SLC28A3: variants seen among roughly 807,000 people sequenced by gnomAD.
SLC28A3 encodes solute carrier family 28 member 3.
A neutral mutation model predicts 84.2 loss-of-function variants in SLC28A3; 68 were observed. The ratio of observed to expected loss-of-function variants is 0.81; its 90% CI spans 0.66 to 0.99. The LOEUF is 0.99. Among genes scored for constraint, SLC28A3 ranks in the 50% least tolerant of loss-of-function variants. SLC28A3 has a pLI of 0.00. For missense variants in SLC28A3, 712 were observed against 841.5 expected, an observed-to-expected ratio of 0.85 and a Z score of 1.90; for synonymous variants, 267 against 303.6, an observed-to-expected ratio of 0.88 and a Z score of 1.25.
intron 8 of SLC28A3, among the ~76,000 whole-genome samples, chr9:84,294,767 T>C (rs1315467083): frequency 1.3e-5 from 2 of 152,180 alleles, no homozygotes; most frequent in Admixed American, 1.3e-4. Flanking sequence ...CAGCATGTCC[T>C]GAGAATGACC....
At chr9:84,296,765 G>A (rs946777157) in intron 8 of SLC28A3, among the ~76,000 whole-genome samples, 2 of 152,058 alleles carry the variant, frequency 1.3e-5, no homozygotes, top group South Asian at 2.1e-4. Context: ...TAAAACAGAG[G>A]TTGATGTGGT....
chr9:84,300,567 G>A (rs1279498112), intron 5 of SLC28A3, among the ~76,000 whole-genome samples: 1 of 152,190 alleles, frequency 6.6e-6, no homozygotes, highest in East Asian at 1.9e-4. Flanking sequence ...TGCAGTGTTG[G>A]GATTGCACAA....
chr9:84,365,240 G>A, the SLC28A3 span, among the ~76,000 whole-genome samples: 1 of 152,152 alleles, frequency 6.6e-6, no homozygotes, highest in Non-Finnish European at 1.5e-5. Context: ...CTATCTCACT[G>A]TAATCTTGGT....
intron 8 of SLC28A3, among the ~76,000 whole-genome samples, chr9:84,296,908 C>G (rs929958807): frequency 6.6e-6 from 1 of 152,160 alleles, no homozygotes; most frequent in Non-Finnish European, 1.5e-5. Context: ...CCCTGAAGGC[C>G]GAAGGTGCTA....
At chr9:84,332,707 TTAA>T (rs2118591280) in intron 1 of SLC28A3, among the ~76,000 whole-genome samples, 1 of 152,250 alleles carries the variant, frequency 6.6e-6, no homozygotes, top group East Asian at 1.9e-4. Flanking sequence ...CAATTTTATC[TTAA>T]TAAAGAGTTA....
At chr9:84,302,525 A>G in intron 4 of SLC28A3, 136 bp from the exon 5 acceptor site, 1 of 787,056 alleles carries the variant, frequency 1.3e-6, no homozygotes, top group Non-Finnish European at 2.0e-6. Flanking sequence ...TGCTCTTGAT[A>G]TGGCTACTGG....
At chr9:84,320,142 C>T (rs1024692463) in intron 1 of SLC28A3, among the ~76,000 whole-genome samples, 7 of 149,040 alleles carry the variant, frequency 4.7e-5, no homozygotes, top group Middle Eastern at 3.4e-3. Context: ...CTCAACCTCC[C>T]GGGTTCAAGT....
intron 1 of SLC28A3, among the ~76,000 whole-genome samples, chr9:84,316,710 G>A (rs117264477): frequency 0.011 from 1,695 of 152,324 alleles, 18 homozygotes; most frequent in Non-Finnish European, 0.018. Context: ...GAGACACTGT[G>A]TAAAACTCTT....
At chr9:84,305,809 A>G (rs1211818918) in intron 3 of SLC28A3, among the ~76,000 whole-genome samples, 1 of 152,198 alleles carries the variant, frequency 6.6e-6, no homozygotes, top group African/African-American at 2.4e-5. Context: ...TCTGTCCCCC[A>G]TCACCATCCC....
chr9:84,290,207 C>T lies in SLC28A3; in HGVS notation c.1096G>A (p.Ala366Thr), dbSNP rs140138960. The T allele has an allele frequency of 8.1e-5, 131 of 1,614,032 alleles. No homozygotes were observed. Among genetic ancestry groups the T allele is most frequent in the Non-Finnish European group, 1.0e-4 (122 of 1,179,972 alleles). ...TKSELHAIMT[A>T]GFSTIAGSVL... ...CTTCCAGCAATGGTAGAGAACCCGG[C>T]GGTCATGATGGCGTGGAGTTCAGAC... The change falls in exon 11 of 18, where the codon GCC (alanine) becomes ACC (threonine). Residue 366 changes from alanine to threonine, a missense_variant. Transcript: ENST00000376238.
intron 1 of SLC28A3, among the ~76,000 whole-genome samples, chr9:84,330,278 A>C (rs1463265478): frequency 1.3e-5 from 2 of 152,210 alleles, no homozygotes; most frequent in Non-Finnish European, 2.9e-5. Context: ...AAGAGAGAAG[A>C]CAAATAACTA....
At chr9:84,328,156 TACACAC>T (rs71498096) in intron 1 of SLC28A3, among the ~76,000 whole-genome samples, 1,553 of 131,956 alleles carry the variant, frequency 0.012, 65 homozygotes, top group Admixed American at 0.076. Flanking sequence ...GGGAAAAGAC[TACACAC>T]ACACACACAC....
chr9:84,317,358 G>A (rs1826206580), intron 1 of SLC28A3, among the ~76,000 whole-genome samples: 1 of 152,162 alleles, frequency 6.6e-6, no homozygotes, highest in Admixed American at 6.5e-5. Context: ...GAAGCTTGTG[G>A]CCACTTTTAG....
chr9:84,355,702 G>A, the SLC28A3 span, among the ~76,000 whole-genome samples: 1 of 152,068 alleles, frequency 6.6e-6, no homozygotes, highest in Non-Finnish European at 1.5e-5. Flanking sequence ...GTTTTGTGAG[G>A]ATCTAACGAG....
intron 2 of SLC28A3, 143 bp from the exon 3 acceptor site, chr9:84,309,857 A>G (rs770987189): frequency 1.1e-5 from 7 of 633,288 alleles, no homozygotes; most frequent in African/African-American, 1.9e-5. Context: ...CCTATTATCT[A>G]CTGCACAGAC....
intron 3 of SLC28A3, among the ~76,000 whole-genome samples, chr9:84,308,225 C>G (rs767035938): frequency 2.5e-4 from 38 of 152,018 alleles, no homozygotes; most frequent in Non-Finnish European, 3.7e-4. Flanking sequence ...CTCTGTTGCC[C>G]AGGCTGGACA....
chr9:84,344,466 G>A (rs532864196), upstream of SLC28A3, among the ~76,000 whole-genome samples: 410 of 152,210 alleles, frequency 2.7e-3, 5 homozygotes, highest in Middle Eastern at 0.01. Context: ...TGGGATTACA[G>A]GTGTGAGCCA....
intron 1 of SLC28A3, among the ~76,000 whole-genome samples, chr9:84,317,029 C>CAACAAG (rs1826193318): frequency 6.6e-6 from 1 of 151,862 alleles, no homozygotes; most frequent in African/African-American, 2.4e-5. Context: ...ACAACAACAA[C>CAACAAG]AACTCCAAGA....
At position 84,288,629 on chromosome 9, in the gene SLC28A3, T is replaced by C. The variant is rs527854708; in HGVS notation, c.1150-451A>G. Among the ~76,000 whole-genome samples the C allele has an allele frequency of 3.3e-5, 5 of 152,128 alleles. No homozygotes were observed. The East Asian group carries it at 9.7e-4, about 29-fold the overall frequency. ...GGTGCGATCTTGGCTCCCTGCAACC[T>C]CCGCCTCCCTGGTCAAGCGATTCTC... On this transcript the variant is annotated intron_variant, in intron 11 of 17. Coordinates refer to ENST00000376238, the MANE Select transcript of SLC28A3 (RefSeq NM_001199633.2).
Sources: allele counts gnomAD v4.1 joint callset (sites outside exome capture counted in the v4.1 genomes callset), GRCh38; gene constraint gnomAD v4.1.1; transcripts MANE v1.5; gene names NCBI Gene and HGNC (gene_info 2026-07-23, HGNC 2026-07-21).